The following UMAD1 variants were observed in gnomAD, a reference collection of about 807,000 sequenced individuals.
UMAD1 encodes the protein UBAP1-MVB12-associated (UMA) domain containing 1.
In UMAD1, 8 loss-of-function variants were observed where a neutral mutation model predicts 6.1. The ratio of observed to expected loss-of-function variants is 1.30; its 90% CI spans 0.76 to 2.35. UMAD1 has a LOEUF of 2.35. UMAD1 is among the 30% of genes most tolerant of loss of function. UMAD1 has a pLI of 0.00. For missense variants in UMAD1, 130 were observed against 78.4 expected (o/e 1.66, Z -2.49); for synonymous variants, 56 against 31.4 (o/e 1.78, Z -2.61).
chr7:7,657,108 T>A (rs954062993), intron 1 of UMAD1, among the ~76,000 whole-genome samples: 1 of 152,212 alleles, frequency 6.6e-6, no homozygotes, highest in Non-Finnish European at 1.5e-5. Context: ...TCTGCATAAA[T>A]GTCTTCTTTT....
At chr7:7,847,097 AAAAAAAAATATATATATATATAT>A (rs1231613069) in intron 3 of UMAD1, among the ~76,000 whole-genome samples, 3 of 48,856 alleles carry the variant, frequency 6.1e-5, no homozygotes, top group South Asian at 6.4e-4. Flanking sequence ...CAAAAAAAAA[AAAAAAAAATATATATATATATAT>A]ATATATATAT....
intron 2 of UMAD1, among the ~76,000 whole-genome samples, chr7:7,729,958 A>T (rs991766585): frequency 3.3e-5 from 5 of 152,110 alleles, no homozygotes; most frequent in Admixed American, 3.3e-4. Context: ...GACTTCTCTC[A>T]CCCAGTCTGG....
chr7:7,763,192 A>G (rs1047453831), intron 2 of UMAD1, among the ~76,000 whole-genome samples: 4 of 152,244 alleles, frequency 2.6e-5, no homozygotes, highest in African/African-American at 9.6e-5. Flanking sequence ...TTGATATTTA[A>G]TTGAAGTGCT....
At chr7:7,854,351 A>T in intron 3 of UMAD1, among the ~76,000 whole-genome samples, 1 of 95,548 alleles carries the variant, frequency 1.0e-5, no homozygotes, top group South Asian at 3.9e-4. Context: ...GCAAAGCTCC[A>T]TCTCAAAAAA....
chr7:7,806,977 T>G (rs781313726), intron 3 of UMAD1, among the ~76,000 whole-genome samples: 4 of 152,208 alleles, frequency 2.6e-5, no homozygotes, highest in African/African-American at 4.8e-5. Context: ...GAAAGAGGTT[T>G]CTTTTGGCAA....
intron 2 of UMAD1, among the ~76,000 whole-genome samples, chr7:7,678,123 A>C (rs1490986249): frequency 8.8e-6 from 1 of 113,028 alleles, no homozygotes; most frequent in Non-Finnish European, 1.8e-5. Context: ...TTGCTGTATC[A>C]TATAGTAGTT....
intron 1 of UMAD1, chr7:7,641,509 AC>A (rs1309712375): frequency 2.6e-5 from 4 of 151,586 alleles, no homozygotes; most frequent in African/African-American, 7.3e-5. Context: ...AACAGTTTAA[AC>A]CCCCTCAGCA....
chr7:7,702,504 G>C (rs1780485340), intron 2 of UMAD1, among the ~76,000 whole-genome samples: 1 of 151,944 alleles, frequency 6.6e-6, no homozygotes, highest in South Asian at 2.1e-4. Flanking sequence ...ATAAAATTCA[G>C]GTGTTCTTTT....
At chr7:7,683,332 A>G (rs1239371539) in intron 2 of UMAD1, among the ~76,000 whole-genome samples, 1 of 152,084 alleles carries the variant, frequency 6.6e-6, no homozygotes, top group Non-Finnish European at 1.5e-5. Flanking sequence ...CCAGGAATTG[A>G]TTTTTTCCCC....
intron 3 of UMAD1, among the ~76,000 whole-genome samples, chr7:7,862,138 A>AT (rs1426202573): frequency 6.6e-6 from 1 of 152,266 alleles, no homozygotes; most frequent in South Asian, 2.1e-4. Context: ...TTCTTCTTGT[A>AT]TTTTTGACTG....
At chr7:7,856,501 C>T (rs1270153295) in intron 3 of UMAD1, among the ~76,000 whole-genome samples, 1 of 152,196 alleles carries the variant, frequency 6.6e-6, no homozygotes, top group Non-Finnish European at 1.5e-5. Flanking sequence ...TTACCTCCCA[C>T]CAGGTCCCTC....
At chr7:7,741,868 A>G (rs1245871302) in intron 2 of UMAD1, 1 of 212,196 alleles carries the variant, frequency 4.7e-6, no homozygotes, top group African/African-American at 2.4e-5. Flanking sequence ...ACCTTTGTAA[A>G]ATGAAAAAAT....
At chr7:7,784,349 T>G (rs1468437872) in intron 2 of UMAD1, among the ~76,000 whole-genome samples, 2 of 151,228 alleles carry the variant, frequency 1.3e-5, no homozygotes, top group Non-Finnish European at 3.0e-5. Context: ...TTTTTTTTTT[T>G]TTTTGAGACA....
At chr7:7,857,161 A>G (rs1784033583) in intron 3 of UMAD1, among the ~76,000 whole-genome samples, 1 of 152,254 alleles carries the variant, frequency 6.6e-6, no homozygotes, top group Non-Finnish European at 1.5e-5. Context: ...CTCTTTGAGC[A>G]TGAAAGCACC....
intron 2 of UMAD1, among the ~76,000 whole-genome samples, chr7:7,689,779 A>T (rs993307387): frequency 1.3e-5 from 2 of 152,180 alleles, no homozygotes; most frequent in Non-Finnish European, 2.9e-5. Context: ...AGTCATAAGT[A>T]AACATTTTGA....
rs141802056 is a variant in UMAD1 at position 7,839,063 on chromosome 7, C to T, written c.156+37320C>T. ...CCAGAGTTCCTGGTAATGTTCTGTT[C>T]CTTAAATTGGGTGGTGAAACACAGC... On this transcript the variant is annotated intron_variant, in intron 3 of 3. Transcript: ENST00000682710. Among the ~76,000 whole-genome samples, 1,337 of 152,166 alleles carry T rather than the reference C, an allele frequency of 8.8e-3. 12 individuals carry two copies. Among genetic ancestry groups the T allele is most frequent in the Middle Eastern group, 0.01 (3 of 292 alleles).
At chr7:7,774,982 T>C (rs901190025) in intron 2 of UMAD1, among the ~76,000 whole-genome samples, 1 of 152,180 alleles carries the variant, frequency 6.6e-6, no homozygotes. Flanking sequence ...CATCAATTAT[T>C]TCATGTCTTT....
intron 2 of UMAD1, among the ~76,000 whole-genome samples, chr7:7,716,816 G>A (rs868709856): frequency 6.6e-6 from 1 of 152,068 alleles, no homozygotes; most frequent in African/African-American, 2.4e-5. Context: ...CATGGTGGCG[G>A]GCGCCCATAA....
intron 2 of UMAD1, 103 bp from the exon 3 acceptor site, chr7:7,801,567 T>A (rs1782799132): frequency 1.6e-6 from 1 of 629,300 alleles, no homozygotes; most frequent in African/African-American, 1.8e-5. Flanking sequence ...TCTTCCATGA[T>A]GTGAAACATA....
Sources: allele counts gnomAD v4.1 joint callset (sites outside exome capture counted in the v4.1 genomes callset), GRCh38; gene constraint gnomAD v4.1.1; transcripts MANE v1.5; gene names NCBI Gene and HGNC (gene_info 2026-07-23, HGNC 2026-07-21).